Variants in UVRAG observed in about 807,000 individuals in gnomAD.
UVRAG encodes UV radiation resistance-associated gene protein.
A neutral mutation model predicts 78.0 loss-of-function variants in UVRAG; 19 were observed. The ratio of observed to expected loss-of-function variants is 0.24; its 90% confidence interval spans 0.17 to 0.36. The LOEUF is 0.36. Among genes scored for constraint, UVRAG ranks in the 10% least tolerant of loss-of-function variants. UVRAG has a pLI of 1.00. For synonymous variants in UVRAG, 323 were observed against 324.6 expected (o/e 1.00, Z 0.05); for missense variants, 740 against 853.8 (o/e 0.87, Z 1.66).
intron 1 of UVRAG, among the ~76,000 whole-genome samples, chr11:75,848,031 A>T (rs1034805683): frequency 1.8e-5 from 2 of 112,676 alleles, no homozygotes; most frequent in African/African-American, 4.6e-5. Flanking sequence ...CTCTGTCTCT[A>T]AAAAAAAAAA....
intron 6 of UVRAG, among the ~76,000 whole-genome samples, chr11:75,943,244 A>G (rs1305644899): frequency 2.7e-5 from 4 of 149,218 alleles, no homozygotes; most frequent in African/African-American, 9.8e-5. Context: ...CAGGTTTTCA[A>G]CCTCTTATTG....
chr11:75,897,213 A>G (rs1947361743), intron 5 of UVRAG, among the ~76,000 whole-genome samples: 1 of 152,180 alleles, frequency 6.6e-6, no homozygotes, highest in Admixed American at 6.5e-5. Context: ...ATTTAGGTAT[A>G]AAAAGTTTCA....
At chr11:75,965,342 C>T (rs923291301) in intron 7 of UVRAG, among the ~76,000 whole-genome samples, 5 of 151,542 alleles carry the variant, frequency 3.3e-5, no homozygotes, top group African/African-American at 4.9e-5. Context: ...GACGGAGTCT[C>T]GCTCTGTCGC....
chr11:75,938,864 A>T (rs191256115), intron 6 of UVRAG, among the ~76,000 whole-genome samples: 34 of 150,030 alleles, frequency 2.3e-4, no homozygotes, highest in African/African-American at 8.3e-4. Context: ...TGCCCTGAGA[A>T]CTCTCGCACT....
intron 12 of UVRAG, among the ~76,000 whole-genome samples, chr11:76,033,860 T>C (rs1950480646): frequency 6.6e-6 from 1 of 152,102 alleles, no homozygotes; most frequent in South Asian, 2.1e-4. Flanking sequence ...AGTGAGCACA[T>C]AGAGGAAGAG....
chr11:76,131,457 A>G, intron 14 of UVRAG, among the ~76,000 whole-genome samples: 1 of 152,076 alleles, frequency 6.6e-6, no homozygotes, highest in Non-Finnish European at 1.5e-5. Flanking sequence ...CAGCTTGCTT[A>G]TTTTGTCTTT....
chr11:75,905,219 T>G (rs1947588929), intron 5 of UVRAG, among the ~76,000 whole-genome samples: 1 of 152,222 alleles, frequency 6.6e-6, no homozygotes. Context: ...GACTGTCTCC[T>G]CTGTCCTTTT....
At chr11:75,825,582 T>A (rs966234404) in intron 1 of UVRAG, among the ~76,000 whole-genome samples, 4 of 152,206 alleles carry the variant, frequency 2.6e-5, no homozygotes, top group Admixed American at 2.6e-4. Flanking sequence ...TTGTTTTCCA[T>A]CTTATTTTAA....
chr11:76,099,227 C>G (rs1951836981), intron 13 of UVRAG, among the ~76,000 whole-genome samples: 1 of 152,274 alleles, frequency 6.6e-6, no homozygotes, highest in East Asian at 1.9e-4. Context: ...AGCTGCTGGG[C>G]ATTTAACAGT....
intron 6 of UVRAG, among the ~76,000 whole-genome samples, chr11:75,934,440 A>G (rs962850557): frequency 6.6e-6 from 1 of 152,146 alleles, no homozygotes; most frequent in African/African-American, 2.4e-5. Flanking sequence ...AATACTTGCT[A>G]GTAAAAACAA....
intron 5 of UVRAG, among the ~76,000 whole-genome samples, chr11:75,905,075 G>A (rs1443455769): frequency 6.6e-6 from 1 of 151,986 alleles, no homozygotes; most frequent in African/African-American, 2.4e-5. Flanking sequence ...ATTTTTTATA[G>A]TAAGAAAAAA....
Position 76,143,469 on chromosome 11 carries a change from G to T in UVRAG, c.*2056G>T, listed in dbSNP as rs1032513389. Among the ~76,000 whole-genome samples, 1 of 152,244 alleles carries T rather than the reference G, an allele frequency of 6.6e-6. No homozygotes were observed. The highest frequency in any genetic ancestry group is 1.9e-4 in the East Asian group (1 of 5,194). On this transcript the variant is annotated 3_prime_UTR_variant, in exon 15 of 15. Coordinates refer to ENST00000356136, the MANE Select transcript of UVRAG (RefSeq NM_003369.4). ...GTGCAGACTCCCTGGTTGATCCTGG[G>T]CTTGTGGCTTTTCACCGCACGGCGG... is the stretch of plus-strand genomic sequence containing the variant.
chr11:75,978,574 C>T (rs548045324), intron 7 of UVRAG, among the ~76,000 whole-genome samples: 1 of 152,116 alleles, frequency 6.6e-6, no homozygotes, highest in Non-Finnish European at 1.5e-5. Context: ...TTTCTTTTTA[C>T]TCTTTTTTCT....
chr11:75,898,117 C>T (rs1485853587), intron 5 of UVRAG, among the ~76,000 whole-genome samples: 1 of 152,112 alleles, frequency 6.6e-6, no homozygotes, highest in Non-Finnish European at 1.5e-5. Context: ...GATCCACCCG[C>T]CTCGGCCTCC....
At chr11:76,066,929 T>C (rs1243676914) in intron 13 of UVRAG, among the ~76,000 whole-genome samples, 1 of 152,152 alleles carries the variant, frequency 6.6e-6, no homozygotes, top group Non-Finnish European at 1.5e-5. Context: ...AGTAATAAGA[T>C]TTACGATGCT....
In UVRAG at chr11:75,904,394, T is replaced by C. The variant is rs144314710; in HGVS notation, c.508-7560T>C. ...GCAGTATCTCACACAGATAACCAGA[T>C]ACAAATGAGCCGTTTCTTTCCATTA... is the stretch of plus-strand genomic sequence containing the variant. On this transcript the variant is annotated intron_variant, in intron 5 of 14. Transcript: ENST00000356136. 1.4e-3 allele frequency among the ~76,000 whole-genome samples: 219 copies of C among 152,312 alleles called. 2 individuals are homozygous for C. Among genetic ancestry groups the C allele is most frequent in the South Asian group, 6.2e-3 (30 of 4,824 alleles).
intron 12 of UVRAG, among the ~76,000 whole-genome samples, chr11:76,052,323 C>T (rs1317922511): frequency 6.6e-6 from 1 of 152,214 alleles, no homozygotes. Context: ...CCTTGTCTCA[C>T]CTGCTGTCTA....
intron 2 of UVRAG, among the ~76,000 whole-genome samples, chr11:75,854,148 C>G (rs571723018): frequency 6.6e-6 from 1 of 152,296 alleles, no homozygotes; most frequent in South Asian, 2.1e-4. Flanking sequence ...TACCACAACT[C>G]TTAGTGGCTT....
At position 75,815,264 on chromosome 11, in the gene UVRAG, G is replaced by T; in HGVS notation, c.-144G>T. 2 of 477,300 alleles carry T rather than the reference G, an allele frequency of 4.2e-6. No homozygotes were observed. The highest frequency in any genetic ancestry group is 7.0e-6 in the Non-Finnish European group (2 of 284,406). 29.6% of individuals were successfully genotyped at this position (477,300 alleles called of 1,614,324 possible). A position where few individuals can be genotyped will look rare whatever the true frequency, so the allele number is the denominator to read the frequency against. ...GGCAACGGCGGCAGCGGCGGCAGCGGCGGCGGCTACTGTCTGGGCTGAGCA... is the reference window on the plus strand; with the variant it reads ...GGCAACGGCGGCAGCGGCGGCAGCGTCGGCGGCTACTGTCTGGGCTGAGCA... On this transcript the variant is annotated 5_prime_UTR_variant, in exon 1 of 15. Transcript: ENST00000356136.
Sources: gnomAD v4.1 joint callset for allele counts (sites outside exome capture counted in the v4.1 genomes callset) on GRCh38, gnomAD v4.1.1 for gene constraint, MANE v1.5 for transcripts, NCBI Gene and HGNC (gene_info 2026-07-23, HGNC 2026-07-21) for gene names.